Variants in AGFG1 observed in about 807,000 individuals in gnomAD.
AGFG1 encodes ArfGAP with FG repeats 1.
In AGFG1, 10 loss-of-function variants were observed where a neutral mutation model predicts 60.6. That is an observed-to-expected ratio of 0.16 (90% CI 0.10 to 0.28). AGFG1 has a LOEUF of 0.28. AGFG1 is among the 10% of genes least tolerant of loss of function. The pLI is 1.00. For missense variants in AGFG1, 537 were observed against 676.5 expected (o/e 0.79, Z 2.29); for synonymous variants, 247 against 242.9 (o/e 1.02, Z -0.16).
intron 3 of AGFG1, 151 bp from the exon 4 acceptor site, chr2:227,523,612 T>A (rs960712866): frequency 5.5e-6 from 4 of 720,756 alleles, no homozygotes; most frequent in East Asian, 5.5e-5. Context: ...GTTCCTTTTT[T>A]AAAAAATATG....
chr2:227,504,916 G>A (rs1208417939), intron 2 of AGFG1, among the ~76,000 whole-genome samples: 2 of 152,154 alleles, frequency 1.3e-5, no homozygotes, highest in African/African-American at 2.4e-5. Context: ...GTTGTTGGGT[G>A]TAGTGTTCTA....
intron 2 of AGFG1, among the ~76,000 whole-genome samples, chr2:227,497,758 TTTTGGGGAC>T (rs1256661602): frequency 8.5e-5 from 10 of 117,760 alleles, no homozygotes; most frequent in Middle Eastern, 4.4e-3. Context: ...TTTTTTTTTT[TTTTGGGGAC>T]GGAGTCTTAC....
At chr2:227,510,756 T>A (rs939641621) in intron 2 of AGFG1, 2 of 152,154 alleles carry the variant, frequency 1.3e-5, no homozygotes, top group African/African-American at 4.8e-5. Flanking sequence ...AGACCTTAAG[T>A]GAAATAAGGT....
rs1197564469 is a variant in AGFG1 at position 227,497,730 on chromosome 2, GTTTTGTTTTTTT to G, written c.261+6095_261+6106del. ...ATATAGCCAAATGAGTTTCTTTCTT[GTTTTGTTTTTTT>G]TTTTTTTTTTTTTTTTTTTGGGGAC... On this transcript the variant is annotated intron_variant, in intron 2 of 12. Coordinates refer to ENST00000310078, the MANE Select transcript of AGFG1 (RefSeq NM_004504.5). 3.3e-3 allele frequency among the ~76,000 whole-genome samples: 130 copies of G among 38,924 alleles called. 7 individuals are homozygous for G. The Middle Eastern group carries it at 0.05, about 15-fold the overall frequency. The allele number at this position is 38,924 out of a possible 152,430, so 25.5% of individuals were successfully genotyped here.
At chr2:227,501,758 A>T (rs1300051932) in intron 2 of AGFG1, among the ~76,000 whole-genome samples, 1 of 151,760 alleles carries the variant, frequency 6.6e-6, no homozygotes, top group South Asian at 2.1e-4. Flanking sequence ...CCATTTTTTT[A>T]TTTTTAGTAG....
At chr2:227,481,801 T>C (rs1690472762) in intron 1 of AGFG1, among the ~76,000 whole-genome samples, 1 of 152,094 alleles carries the variant, frequency 6.6e-6, no homozygotes, top group Non-Finnish European at 1.5e-5. Context: ...TACCTTCTTA[T>C]TCCTTTACTG....
At chr2:227,498,462 GTTA>G (rs1479449745) in intron 2 of AGFG1, among the ~76,000 whole-genome samples, 1 of 152,156 alleles carries the variant, frequency 6.6e-6, no homozygotes, top group Admixed American at 6.5e-5. Flanking sequence ...GCACACTATT[GTTA>G]TTATTTAAGG....
chr2:227,476,610 A>G (rs1690287327), intron 1 of AGFG1, among the ~76,000 whole-genome samples: 3 of 152,182 alleles, frequency 2.0e-5, no homozygotes, highest in Admixed American at 1.3e-4. Context: ...TATTCTGTTG[A>G]TTCTGTGTAC....
intron 10 of AGFG1, among the ~76,000 whole-genome samples, chr2:227,545,312 G>C (rs555553050): frequency 6.6e-6 from 1 of 152,256 alleles, no homozygotes. Context: ...GCTCCATCAG[G>C]TCATTTAAGA....
At chr2:227,517,564 C>A (rs567230785) in intron 2 of AGFG1, among the ~76,000 whole-genome samples, 8 of 152,324 alleles carry the variant, frequency 5.3e-5, no homozygotes, top group African/African-American at 1.4e-4. Flanking sequence ...GCCACCACGC[C>A]CGACCCACAA....
At chr2:227,475,749 A>C (rs1690264092) in intron 1 of AGFG1, among the ~76,000 whole-genome samples, 1 of 152,208 alleles carries the variant, frequency 6.6e-6, no homozygotes, top group African/African-American at 2.4e-5. Context: ...TATGTTAAGA[A>C]GATATCATAT....
At chr2:227,525,772 A>G (rs190399219) in intron 5 of AGFG1, among the ~76,000 whole-genome samples, 292 of 152,286 alleles carry the variant, frequency 1.9e-3, no homozygotes, top group Non-Finnish European at 3.4e-3. Flanking sequence ...GGTTCTTCCT[A>G]TTAGGAGGAT....
Position 227,480,591 on chromosome 2 carries a change from C to CT in AGFG1, c.167+8018dup, listed in dbSNP as rs11350446. Among the ~76,000 whole-genome samples the CT allele has an allele frequency of 7.2e-3, 1,043 of 145,782 alleles. 8 individuals are homozygous for CT. The highest frequency in any genetic ancestry group is 0.015 in the South Asian group (67 of 4,600). Reference sequence around the variant, plus strand: ...TCAATATGATCAGATGCATCAGCTACTTTTTTTTTTTTTTTAACTGTTTCT... The same window carrying CT: ...TCAATATGATCAGATGCATCAGCTACTTTTTTTTTTTTTTTTAACTGTTTCT... On this transcript the variant is annotated intron_variant, in intron 1 of 12. Transcript: ENST00000310078.
Position 227,539,457 on chromosome 2 carries a change from A to AAC in AGFG1, c.1378+2464_1378+2465insAC, listed in dbSNP as rs139764867. ...GACTCTGTCTCAAAAAAAACAAAAA[A>AAC]CACATGTTAACACTGTGAAATTATA... On this transcript the variant is annotated intron_variant, in intron 10 of 12. Coordinates refer to ENST00000310078, the MANE Select transcript of AGFG1 (RefSeq NM_004504.5). Among the ~76,000 whole-genome samples the AAC allele has an allele frequency of 5.0e-4, 65 of 130,000 alleles. 6 individuals carry two copies. The highest frequency in any genetic ancestry group is 4.1e-3 in the Admixed American group (51 of 12,586). 85.3% of individuals were successfully genotyped at this position (130,000 alleles called of 152,430 possible).
intron 2 of AGFG1, among the ~76,000 whole-genome samples, chr2:227,499,348 T>C (rs1691078618): frequency 6.6e-6 from 1 of 152,046 alleles, no homozygotes; most frequent in Admixed American, 6.6e-5. Context: ...TTATAAAGGA[T>C]TGGAGGCTTG....
At chr2:227,530,263 G>A (rs1302876831) in intron 5 of AGFG1, among the ~76,000 whole-genome samples, 3 of 152,158 alleles carry the variant, frequency 2.0e-5, no homozygotes. Flanking sequence ...TGTCCAGACA[G>A]TAATTTTTGT....
intron 5 of AGFG1, 92 bp downstream of exon 5, chr2:227,525,007 A>G: frequency 1.4e-6 from 2 of 1,460,984 alleles, no homozygotes; most frequent in South Asian, 2.4e-5. Flanking sequence ...ATCAGTAAAC[A>G]TTTTTTGTTG....
At chr2:227,475,649 A>G (rs796331895) in intron 1 of AGFG1, among the ~76,000 whole-genome samples, 8 of 152,362 alleles carry the variant, frequency 5.3e-5, no homozygotes, top group African/African-American at 1.9e-4. Flanking sequence ...TGACAATGCT[A>G]CTAGCTTCGT....
intron 3 of AGFG1, 58 bp downstream of exon 3, chr2:227,520,121 G>T (rs1691782006): frequency 1.9e-6 from 2 of 1,028,472 alleles, no homozygotes; most frequent in Non-Finnish European, 2.9e-6. Context: ...TTAACTATGG[G>T]TAAGGTTAGT....
Sources: allele counts gnomAD v4.1 joint callset (sites outside exome capture counted in the v4.1 genomes callset), GRCh38; gene constraint gnomAD v4.1.1; transcripts MANE v1.5; gene names NCBI Gene and HGNC (gene_info 2026-07-23, HGNC 2026-07-21).